RNF213: variants seen among roughly 807,000 people sequenced by gnomAD.
RNF213 encodes the protein ring finger protein 213.
A neutral mutation model predicts 514.4 loss-of-function variants in RNF213; 341 were observed. The observed-to-expected ratio is 0.66, with a 90% CI of 0.61 to 0.73. RNF213 has a LOEUF of 0.73. RNF213 is among the 30% of genes least tolerant of loss of function. The pLI, the probability that RNF213 is intolerant of heterozygous loss-of-function variation, is 0.00. For missense variants in RNF213, 5,767 were observed against 6,615.6 expected, an observed-to-expected ratio of 0.87 and a Z score of 4.45; for synonymous variants, 2,655 against 2,658.2, an observed-to-expected ratio of 1.00 and a Z score of 0.04.
Position 80,294,889 on chromosome 17 carries a change from C to G in RNF213, c.1641C>G (p.Ile547Met), listed in dbSNP as rs145553991. 1.9e-6 allele frequency: 3 copies of G among 1,614,114 alleles called. No individual in the cohort carries two copies. In the East Asian group the frequency reaches 6.7e-5, roughly 36 times the overall value. ...TFSILQTWDT[I>M]NLNSFFTQFE... ...GCATCCTGCAGACCTGGGACACCAT[C>G]AACCTGAACAGCTTCTTCACCCAGT... is the stretch of plus-strand genomic sequence containing the variant. Residue 547 changes from isoleucine to methionine, a missense_variant, in exon 9 of 68, where the codon ATC becomes ATG. Ile to Met is a conservative substitution (Grantham distance 10). This residue lies in a region of RNF213 where 592 missense variants were observed against 673.9 expected (regional missense o/e 0.88). Transcript: ENST00000582970.
At chr17:80,287,728 G>A (rs1179068316) in intron 3 of RNF213, 87 bp from the exon 4 acceptor site, 1 of 1,341,348 alleles carries the variant, frequency 7.5e-7, no homozygotes, top group Non-Finnish European at 1.1e-6. Context: ...TGATGTAGTT[G>A]AGGAACGGAA....
chr17:80,291,739 G>A lies in RNF213; in HGVS notation c.1383G>A (p.Glu461=), dbSNP rs113096037. Residue 461 remains glutamate (E), a synonymous_variant, in exon 8 of 68, where the codon GAG becomes GAA. Transcript: ENST00000582970. ...KYVIYNGESF[E]YEFIYKHQQK... is the part of the protein sequence containing the mutation. ...TCATTTATAATGGGGAATCTTTTGA[G>A]TATGAGTTCATTTACAAGCACCAGC... is the stretch of plus-strand genomic sequence containing the variant. 4 of 1,614,166 alleles carry A rather than the reference G, an allele frequency of 2.5e-6. No homozygotes were observed. The highest frequency in any genetic ancestry group is 1.3e-5 in the African/African-American group (1 of 75,022).
intron 37 of RNF213, 114 bp downstream of exon 37, chr17:80,358,593 G>C: frequency 1.0e-6 from 1 of 967,364 alleles, no homozygotes; most frequent in Non-Finnish European, 1.6e-6. Context: ...GAGCAACGTT[G>C]ACATGGGTGC....
intron 16 of RNF213, among the ~76,000 whole-genome samples, chr17:80,318,655 A>G (rs373122840): frequency 1.5e-4 from 22 of 151,210 alleles, no homozygotes; most frequent in African/African-American, 2.2e-4. Flanking sequence ...CTCACTGCAA[A>G]CTCCGCCTCC....
At chr17:80,376,797 T>A in intron 52 of RNF213, 85 bp from the exon 53 acceptor site, 1 of 1,260,230 alleles carries the variant, frequency 7.9e-7, no homozygotes, top group African/African-American at 1.5e-5. Flanking sequence ...GAGTTCCCTT[T>A]CTTCCTCTAG....
intron 11 of RNF213, among the ~76,000 whole-genome samples, chr17:80,299,888 T>G (rs530063138): frequency 6.6e-6 from 1 of 152,226 alleles, no homozygotes; most frequent in Non-Finnish European, 1.5e-5. Context: ...GCAAAGGACA[T>G]GATTTCATTC....
At chr17:80,380,794 C>A (rs1187905544) in intron 55 of RNF213, 37 bp from the exon 56 acceptor site, 2 of 1,613,756 alleles carry the variant, frequency 1.2e-6, no homozygotes, top group African/African-American at 2.7e-5. Context: ...AAGCGGCCAG[C>A]CTCAGCCTCT....
At chr17:80,285,121 A>G (rs1180265655) in intron 3 of RNF213, among the ~76,000 whole-genome samples, 1 of 152,242 alleles carries the variant, frequency 6.6e-6, no homozygotes, top group East Asian at 1.9e-4. Context: ...TGACCACAGC[A>G]TCACTGATGG....
intron 11 of RNF213, chr17:80,298,920 A>G (rs981388073): frequency 3.5e-6 from 1 of 287,042 alleles, no homozygotes; most frequent in African/African-American, 2.2e-5. Flanking sequence ...TGGAGGTTGC[A>G]GTGAGCTGGG....
At chr17:80,356,852 T>G (rs1024707103) in intron 36 of RNF213, among the ~76,000 whole-genome samples, 15 of 152,174 alleles carry the variant, frequency 9.9e-5, no homozygotes, top group African/African-American at 3.6e-4. Flanking sequence ...ATTTAAAAAA[T>G]GTAGGTATTT....
chr17:80,373,657 GA>G (rs1190425639), intron 49 of RNF213, among the ~76,000 whole-genome samples: 2 of 152,158 alleles, frequency 1.3e-5, no homozygotes, highest in Non-Finnish European at 2.9e-5. Flanking sequence ...CTGGCAGGCA[GA>G]GACAGGCAAG....
chr17:80,292,272 C>G (rs1320199959), intron 8 of RNF213, among the ~76,000 whole-genome samples: 1 of 152,120 alleles, frequency 6.6e-6, no homozygotes, highest in Non-Finnish European at 1.5e-5. Flanking sequence ...TTTAGAGAGA[C>G]AGGGTTTCAC....
chr17:80,358,464 T>C lies in RNF213; in HGVS notation c.11039T>C (p.Val3680Ala). ...ACGATGCTTCTGAACATTCCTCTTG[T>C]GATGAATAATGAAAGGTGAGTGGAA... Reference protein sequence around the residue: ...SDTMLLNIPLVMNNERHKGEM... With the variant: ...SDTMLLNIPLAMNNERHKGEM... Residue 3680 changes from valine (V) to alanine (A), a missense_variant, in exon 37 of 68, where the codon GTG (valine) becomes GCG (alanine). Val to Ala is a moderately conservative substitution (Grantham distance 64, BLOSUM62 0). Transcript: ENST00000582970. 2 of 1,613,770 alleles carry C rather than the reference T, an allele frequency of 1.2e-6. No individual in the cohort carries two copies. The highest frequency in any genetic ancestry group is 1.3e-5 in the African/African-American group (1 of 75,034).
chr17:80,271,122 GGT>G (rs2043807337), intron 2 of RNF213, among the ~76,000 whole-genome samples: 2 of 151,608 alleles, frequency 1.3e-5, no homozygotes, highest in African/African-American at 4.9e-5. Flanking sequence ...TTGGTGGGAG[GGT>G]AGGTTGGTGG....
At chr17:80,325,318 A>AC (rs2046251635) in intron 18 of RNF213, 120 bp downstream of exon 18, 2 of 1,036,328 alleles carry the variant, frequency 1.9e-6, no homozygotes, top group Admixed American at 2.8e-5. Context: ...CTGATGTTTG[A>AC]CAAAGGCTGC....
Position 80,393,615 on chromosome 17 carries a change from G to C in RNF213, c.*117G>C. The C allele has an allele frequency of 1.7e-6, 2 of 1,175,940 alleles. No individual in the cohort carries two copies. Among genetic ancestry groups the C allele is most frequent in the Non-Finnish European group, 2.4e-6 (2 of 817,428 alleles). The allele number at this position is 1,175,940 out of a possible 1,614,324, so 72.8% of individuals were successfully genotyped here. On this transcript the variant is annotated 3_prime_UTR_variant, in exon 68 of 68. Transcript: ENST00000582970. ...TGCATTCAGAAGGAGAGCTGTCAGC[G>C]TAGCACCGAATTCAAGACCAAGGCG...
At chr17:80,381,308 C>A (rs2079991552) in intron 56 of RNF213, 1 of 609,696 alleles carries the variant, frequency 1.6e-6, no homozygotes. Context: ...GAGCACACTG[C>A]ATAACCAAGA....
chr17:80,358,507 G>A (rs760244884), intron 37 of RNF213, 28 bp downstream of exon 37: 1 of 1,598,046 alleles, frequency 6.3e-7, no homozygotes, highest in Admixed American at 1.7e-5. Context: ...TTTCCCTGGG[G>A]AGAGAAACTA....
chr17:80,307,249 G>A (rs751532714), intron 13 of RNF213, 48 bp downstream of exon 13: 1 of 1,574,948 alleles, frequency 6.3e-7, no homozygotes, highest in South Asian at 1.1e-5. Context: ...CGGCCCCCGG[G>A]GGCTTCCTCT....
Sources: allele counts gnomAD v4.1 joint callset (sites outside exome capture counted in the v4.1 genomes callset), GRCh38; gene constraint gnomAD v4.1.1; regional missense constraint gnomAD v4.1.1; transcripts MANE v1.5; gene names NCBI Gene and HGNC (gene_info 2026-07-23, HGNC 2026-07-21).